TRIM71: variants seen among roughly 807,000 people sequenced by gnomAD.
The protein encoded by TRIM71 is E3 ubiquitin-protein ligase TRIM71.
TRIM71 carries 9 observed loss-of-function variants against 61.2 expected under a neutral mutation model. The ratio of observed to expected loss-of-function variants is 0.15; its 90% CI spans 0.09 to 0.26. TRIM71 has a LOEUF of 0.26. TRIM71 is among the 10% of genes least tolerant of loss of function. The pLI, the probability that TRIM71 is intolerant of heterozygous loss-of-function variation, is 1.00. For missense variants in TRIM71, 998 were observed against 1,238.7 expected, an observed-to-expected ratio of 0.81 and a Z score of 2.92; for synonymous variants, 645 against 553.2, an observed-to-expected ratio of 1.17 and a Z score of -2.33.
In TRIM71 at chr3:32,890,750, C is replaced by T; in HGVS notation, c.1546C>T (p.Pro516Ser). 6.2e-7 allele frequency: 1 copy of T among 1,614,118 alleles called. No individual in the cohort carries two copies. The highest frequency in any genetic ancestry group is 1.3e-5 in the African/African-American group (1 of 75,068). The change falls in exon 4 of 4, where the codon CCC becomes TCC. Residue 516 changes from proline (P) to serine (S), a missense_variant. Coordinates refer to ENST00000383763, the MANE Select transcript of TRIM71 (RefSeq NM_001039111.3). This position sits in a 1 kb window ranked among gnomAD's most constrained non-coding sequence, Gnocchi z 6.2. ...TVIGYDHDGE[P>S]RLSGGDLMSA... ...CATTGGTTATGACCACGATGGTGAG[C>T]CCCGCCTCTCAGGAGGCGACCTGAT...
chr3:32,860,367 G>T (rs1242249063), intron 1 of TRIM71, among the ~76,000 whole-genome samples: 1 of 151,964 alleles, frequency 6.6e-6, no homozygotes, highest in Non-Finnish European at 1.5e-5. Flanking sequence ...CTGTGGCCAG[G>T]CCGGTCTCGA....
At position 32,891,965 on chromosome 3, in the gene TRIM71, TACA is replaced by T; in HGVS notation, c.*158_*160del. On this transcript the variant is annotated 3_prime_UTR_variant, in exon 4 of 4. Transcript: ENST00000383763. This position sits in a 1 kb window ranked among gnomAD's most constrained non-coding sequence, Gnocchi z 8.2. The stretch of plus-strand genomic sequence containing the variant: ...TTTTTTTTAAAGAGAACAAGAAAAG[TACA>T]ACATTGCTTAAGTCCTACCTCATCT... The T allele has an allele frequency of 1.8e-6, 2 of 1,107,802 alleles. No individual in the cohort carries two copies. The highest frequency in any genetic ancestry group is 2.5e-6 in the Non-Finnish European group (2 of 810,230). 68.6% of individuals were successfully genotyped at this position (1,107,802 alleles called of 1,614,324 possible). A position where few individuals can be genotyped will look rare whatever the true frequency, so the allele number is the denominator to read the frequency against.
chr3:32,857,986 A>G (rs1696624076), intron 1 of TRIM71, among the ~76,000 whole-genome samples: 1 of 152,066 alleles, frequency 6.6e-6, no homozygotes, highest in Admixed American at 6.5e-5. Flanking sequence ...GAGGGGCGGG[A>G]CACAAAAAGA....
intron 1 of TRIM71, among the ~76,000 whole-genome samples, chr3:32,849,984 G>A (rs1696520328): frequency 2.0e-5 from 3 of 152,152 alleles, no homozygotes; most frequent in Non-Finnish European, 4.4e-5. Flanking sequence ...TGTCTTCAGT[G>A]TCTTTCAAAG....
intron 1 of TRIM71, among the ~76,000 whole-genome samples, chr3:32,860,239 A>ATTG: frequency 6.7e-6 from 1 of 149,170 alleles, no homozygotes; most frequent in East Asian, 2.0e-4. Context: ...GCTCACTGCA[A>ATTG]CCTCCACTTC....
At chr3:32,869,086 C>T (rs751079297) in intron 1 of TRIM71, among the ~76,000 whole-genome samples, 2 of 152,168 alleles carry the variant, frequency 1.3e-5, no homozygotes, top group Admixed American at 6.5e-5. Context: ...ATTTTTAAAA[C>T]GAATCTTGTG....
rs767363093 is a variant in TRIM71 at position 32,818,251 on chromosome 3, C to A, written c.171C>A (p.His57Gln). Residue 57 changes from histidine (H) to glutamine (Q), a missense_variant, in exon 1 of 4, where the codon CAC becomes CAA. His to Gln is a conservative substitution (Grantham distance 24). This residue lies in a region of TRIM71 where 527 missense variants were observed against 427.8 expected (regional missense o/e 1.23). Transcript: ENST00000383763. ...GGPGAAARRLHVLPCLHAFCR... is the reference protein window; with the variant it reads ...GGPGAAARRLQVLPCLHAFCR... ...CTGGGGCGGCGGCGCGCCGCCTACA[C>A]GTCCTGCCCTGCCTGCACGCCTTCT... is the stretch of plus-strand genomic sequence containing the variant. The A allele has an allele frequency of 5.5e-6, 8 of 1,465,518 alleles. No homozygotes were observed. Among genetic ancestry groups the A allele is most frequent in the Middle Eastern group, 2.0e-4 (1 of 5,034 alleles). 90.8% of individuals were successfully genotyped at this position (1,465,518 alleles called of 1,614,324 possible).
chr3:32,890,980 G>A lies in TRIM71; in HGVS notation c.1776G>A (p.Pro592=), dbSNP rs745594474. Residue 592 remains proline, a synonymous_variant, in exon 4 of 4, where the codon CCG becomes CCA. Coordinates refer to ENST00000383763, the MANE Select transcript of TRIM71 (RefSeq NM_001039111.3). This position sits in a 1 kb window ranked among gnomAD's most constrained non-coding sequence, Gnocchi z 6.2. ...SGRSYVGIGL[P]GLSFGSEGDS... ...GCAGCTACGTGGGCATTGGGCTCCCGGGCCTGAGCTTCGGCAGTGAGGGTG... is the reference window on the plus strand; with the variant it reads ...GCAGCTACGTGGGCATTGGGCTCCCAGGCCTGAGCTTCGGCAGTGAGGGTG... 123 of 1,614,162 alleles carry A rather than the reference G, an allele frequency of 7.6e-5. 1 individual carries two copies. Among genetic ancestry groups the A allele is most frequent in the Non-Finnish European group, 7.8e-5 (92 of 1,180,044 alleles).
At chr3:32,833,822 A>G (rs1458574691) in intron 1 of TRIM71, among the ~76,000 whole-genome samples, 2 of 152,012 alleles carry the variant, frequency 1.3e-5, no homozygotes, top group Non-Finnish European at 2.9e-5. Context: ...TCATATGCAG[A>G]CAGTGCTGCA....
intron 1 of TRIM71, among the ~76,000 whole-genome samples, chr3:32,864,322 A>G (rs1191178138): frequency 6.6e-6 from 1 of 152,210 alleles, no homozygotes; most frequent in Non-Finnish European, 1.5e-5. Context: ...TGGATCTGTT[A>G]GAGGACACCC....
chr3:32,867,947 C>T (rs1173207787), intron 1 of TRIM71, among the ~76,000 whole-genome samples: 1 of 151,968 alleles, frequency 6.6e-6, no homozygotes, highest in Non-Finnish European at 1.5e-5. Context: ...CCTAACACCC[C>T]TTTTTTTATT....
chr3:32,834,797 G>T (rs374513150), intron 1 of TRIM71, among the ~76,000 whole-genome samples: 1 of 152,038 alleles, frequency 6.6e-6, no homozygotes, highest in Non-Finnish European at 1.5e-5. Flanking sequence ...AGCCGAGATC[G>T]CACGGCTGCA....
intron 3 of TRIM71, among the ~76,000 whole-genome samples, chr3:32,888,035 G>A (rs1313536075): frequency 6.6e-6 from 1 of 152,144 alleles, no homozygotes; most frequent in Non-Finnish European, 1.5e-5. Flanking sequence ...AAATTGCTTA[G>A]AATTAGAGAA....
chr3:32,848,548 A>C (rs1446260709), intron 1 of TRIM71, among the ~76,000 whole-genome samples: 2 of 152,126 alleles, frequency 1.3e-5, no homozygotes, highest in African/African-American at 4.8e-5. Flanking sequence ...CTATCTCTTT[A>C]TCTCATATTT....
intron 2 of TRIM71, among the ~76,000 whole-genome samples, chr3:32,883,524 A>G (rs1039027776): frequency 6.6e-6 from 1 of 152,194 alleles, no homozygotes; most frequent in South Asian, 2.1e-4. Flanking sequence ...TGTTCTCTGT[A>G]TCTGTGTCTG....
At chr3:32,867,072 TC>T (rs139959040) in intron 1 of TRIM71, among the ~76,000 whole-genome samples, 1,736 of 152,288 alleles carry the variant, frequency 0.011, 23 homozygotes, top group African/African-American at 0.039. Flanking sequence ...AGTTTTCCTT[TC>T]AAATTGTCTT....
intron 1 of TRIM71, among the ~76,000 whole-genome samples, chr3:32,830,260 T>C (rs1696254433): frequency 6.6e-6 from 1 of 152,148 alleles, no homozygotes; most frequent in South Asian, 2.1e-4. Context: ...ATCTTCCTGC[T>C]TTGACCTTTT....
At chr3:32,877,963 T>C (rs1225575318) in intron 2 of TRIM71, among the ~76,000 whole-genome samples, 1 of 152,208 alleles carries the variant, frequency 6.6e-6, no homozygotes, top group Non-Finnish European at 1.5e-5. Context: ...AGTTTTAGTA[T>C]ATGTGCTGCC....
chr3:32,881,155 A>T (rs1696903498), intron 2 of TRIM71, among the ~76,000 whole-genome samples: 1 of 151,852 alleles, frequency 6.6e-6, no homozygotes, highest in South Asian at 2.1e-4. Flanking sequence ...AGTAGTTGGG[A>T]TTACAGGTAC....
Sources: allele counts gnomAD v4.1 joint callset (sites outside exome capture counted in the v4.1 genomes callset), GRCh38; gene constraint gnomAD v4.1.1; regional missense constraint gnomAD v4.1.1; non-coding constraint Gnocchi (gnomAD v3.1); transcripts MANE v1.5; gene names NCBI Gene and HGNC (gene_info 2026-07-23, HGNC 2026-07-21).